The following LIN7A variants were observed in gnomAD, a reference collection of about 807,000 sequenced individuals.
LIN7A encodes lin-7 cell polarity scaffold A.
Under a neutral mutation model 29.8 loss-of-function variants are expected in LIN7A, and 25 were observed. The ratio of observed to expected loss-of-function variants is 0.84; its 90% confidence interval spans 0.61 to 1.17. The LOEUF (loss-of-function observed/expected upper bound fraction) is 1.17, where lower values mean the gene tolerates loss of function less well. LIN7A is among the 50% of genes most tolerant of loss of function. The pLI, the probability that LIN7A is intolerant of heterozygous loss-of-function variation, is 0.00. For missense variants in LIN7A, 239 were observed against 287.0 expected (o/e 0.83, Z 1.21); for synonymous variants, 118 against 107.5 (o/e 1.10, Z -0.60).
At chr12:80,895,882 C>T (rs1341566114) in intron 1 of LIN7A, among the ~76,000 whole-genome samples, 2 of 152,168 alleles carry the variant, frequency 1.3e-5, no homozygotes, top group Non-Finnish European at 2.9e-5. Context: ...GGCCTAATGT[C>T]CTCACTGAGC....
chr12:80,872,376 G>A (rs898975003), intron 2 of LIN7A, among the ~76,000 whole-genome samples: 2 of 152,002 alleles, frequency 1.3e-5, no homozygotes, highest in South Asian at 4.1e-4. Context: ...CTTAACTATT[G>A]TTTAAATAAT....
chr12:80,900,537 G>A (rs1876158388), intron 1 of LIN7A, among the ~76,000 whole-genome samples: 1 of 152,122 alleles, frequency 6.6e-6, no homozygotes, highest in African/African-American at 2.4e-5. Flanking sequence ...AGTCATTCAG[G>A]AGCAGGTTAA....
intron 1 of LIN7A, among the ~76,000 whole-genome samples, chr12:80,912,523 T>C (rs916076021): frequency 4.6e-5 from 7 of 151,926 alleles, no homozygotes; most frequent in African/African-American, 1.7e-4. Context: ...GAGACCAGCC[T>C]GGCCAACATG....
chr12:80,889,173 C>A, intron 2 of LIN7A, 78 bp downstream of exon 2: 3 of 801,616 alleles, frequency 3.7e-6, no homozygotes, highest in Non-Finnish European at 6.6e-6. Flanking sequence ...ACAATTTCAA[C>A]TGTTTGTGTA....
intron 4 of LIN7A, among the ~76,000 whole-genome samples, chr12:80,838,668 C>T (rs1872684318): frequency 6.6e-6 from 1 of 152,218 alleles, no homozygotes; most frequent in Non-Finnish European, 1.5e-5. Flanking sequence ...GTCCCCCACT[C>T]AGCTTCTGAG....
intron 1 of LIN7A, among the ~76,000 whole-genome samples, chr12:80,902,147 T>C (rs999349071): frequency 6.6e-6 from 1 of 152,134 alleles, no homozygotes; most frequent in Non-Finnish European, 1.5e-5. Context: ...GCCAGCCTTT[T>C]TGAAGATCAG....
chr12:80,805,214 C>G (rs964478493), intron 5 of LIN7A, among the ~76,000 whole-genome samples: 8 of 152,056 alleles, frequency 5.3e-5, no homozygotes, highest in African/African-American at 1.9e-4. Flanking sequence ...GTCCGGTGTT[C>G]TGCTTGGAAA....
chr12:80,870,861 A>T (rs761642726), intron 2 of LIN7A, among the ~76,000 whole-genome samples: 34 of 152,338 alleles, frequency 2.2e-4, no homozygotes, highest in African/African-American at 7.9e-4. Flanking sequence ...GCACATTCAC[A>T]TTCACAAATT....
chr12:80,905,694 A>T (rs1362770910), intron 1 of LIN7A, among the ~76,000 whole-genome samples: 1 of 152,162 alleles, frequency 6.6e-6, no homozygotes, highest in Non-Finnish European at 1.5e-5. Flanking sequence ...TAGGATGCTA[A>T]TGGCATCTTG....
At chr12:80,862,137 AT>A (rs2120416361) in intron 2 of LIN7A, among the ~76,000 whole-genome samples, 1 of 152,332 alleles carries the variant, frequency 6.6e-6, no homozygotes, top group South Asian at 2.1e-4. Flanking sequence ...TGTCTCAACT[AT>A]CACCAAGTCC....
At chr12:80,874,190 C>G (rs1874568925) in intron 2 of LIN7A, among the ~76,000 whole-genome samples, 1 of 152,156 alleles carries the variant, frequency 6.6e-6, no homozygotes, top group Non-Finnish European at 1.5e-5. Context: ...TTACATGTCA[C>G]AGATTTCTTT....
rs146389715 is a variant in LIN7A, at chr12:80,793,961, A to T, written c.*3766T>A. 181 of 152,326 alleles carry T rather than the reference A, an allele frequency of 1.2e-3. No homozygotes were observed. The highest frequency in any genetic ancestry group is 4.3e-3 in the African/African-American group (180 of 41,572). 9.4% of individuals were successfully genotyped at this position (152,326 alleles called of 1,614,324 possible). On this transcript the variant is annotated 3_prime_UTR_variant, in exon 6 of 6. Coordinates refer to ENST00000552864, the MANE Select transcript of LIN7A (RefSeq NM_004664.4). The stretch of plus-strand genomic sequence containing the variant: ...GTTCAACTCAGCATAAAAACTCTGT[A>T]TCCCCAAACATTGTTCCTTATCCAC...
chr12:80,912,470 A>G (rs769166784), intron 1 of LIN7A, among the ~76,000 whole-genome samples: 1 of 152,124 alleles, frequency 6.6e-6, no homozygotes, highest in East Asian at 1.9e-4. Flanking sequence ...ATTCCCAACA[A>G]TTTGGGAGGC....
At chr12:80,921,690 G>A (rs1384402759) in intron 1 of LIN7A, among the ~76,000 whole-genome samples, 2 of 152,050 alleles carry the variant, frequency 1.3e-5, no homozygotes, top group African/African-American at 2.4e-5. Flanking sequence ...CATCACATTA[G>A]GGGCTAGGGC....
Position 80,810,737 on chromosome 12 carries a change from T to A in LIN7A, c.*728A>T, listed in dbSNP as rs1032190743. 3.9e-5 allele frequency among the ~76,000 whole-genome samples: 6 copies of A among 152,324 alleles called. No homozygotes were observed. In the South Asian group the frequency reaches 1.2e-3, roughly 32 times the overall value. On this transcript the variant is annotated intron_variant, in intron 5 of 5. Coordinates refer to ENST00000552864, the MANE Select transcript of LIN7A (RefSeq NM_004664.4). ...GTACAAGGGTTCCCTTTTCTTCACA[T>A]CCTCACTAGCACTTGTTATCTTTCC... is the stretch of plus-strand genomic sequence containing the variant.
intron 4 of LIN7A, chr12:80,832,641 C>A (rs368314113): frequency 2.2e-6 from 1 of 458,300 alleles, no homozygotes; most frequent in East Asian, 6.8e-5. Context: ...CTTATGGTAG[C>A]TTCCGTGACA....
rs1206225810 is a variant in LIN7A at position 80,792,622 on chromosome 12, T to C, written c.*5105A>G. 1 of 152,128 alleles carries C rather than the reference T, an allele frequency of 6.6e-6. No individual in the cohort carries two copies. The highest frequency in any genetic ancestry group is 6.5e-5 in the Admixed American group (1 of 15,276). 9.4% of individuals were successfully genotyped at this position (152,128 alleles called of 1,614,324 possible). A position where few individuals can be genotyped will look rare whatever the true frequency, so the allele number is the denominator to read the frequency against. ...TCTTTCAGAAAAATAATGAAAACAA[T>C]TGGAAAGACATGATGTACATGCAAA... On this transcript the variant is annotated 3_prime_UTR_variant, in exon 6 of 6. Transcript: ENST00000552864.
chr12:80,810,803 T>G (rs942082246), intron 5 of LIN7A, among the ~76,000 whole-genome samples: 4 of 152,196 alleles, frequency 2.6e-5, no homozygotes, highest in African/African-American at 9.7e-5. Context: ...TGAGGTGATA[T>G]CTCATTGTGG....
chr12:80,907,180 G>T (rs1460029058), intron 1 of LIN7A, among the ~76,000 whole-genome samples: 1 of 151,646 alleles, frequency 6.6e-6, no homozygotes, highest in Non-Finnish European at 1.5e-5. Context: ...TTTACTGTGG[G>T]TGATAATTAC....
Sources: gnomAD v4.1 joint callset for allele counts (sites outside exome capture counted in the v4.1 genomes callset) on GRCh38, gnomAD v4.1.1 for gene constraint, MANE v1.5 for transcripts, NCBI Gene and HGNC (gene_info 2026-07-23, HGNC 2026-07-21) for gene names.